Variants in TAF5L observed in about 807,000 individuals in gnomAD.
TAF5L encodes TAF5-like RNA polymerase II p300/CBP-associated factor-associated factor 65 kDa subunit 5L.
In TAF5L, 7 loss-of-function variants were observed where a neutral mutation model predicts 51.3. The ratio of observed to expected loss-of-function variants is 0.14; its 90% CI spans 0.08 to 0.26. The LOEUF (loss-of-function observed/expected upper bound fraction) is 0.26, where lower values mean the gene tolerates loss of function less well. TAF5L is among the 10% of genes least tolerant of loss of function. TAF5L has a pLI of 1.00. For synonymous variants in TAF5L, 291 were observed against 308.1 expected, an observed-to-expected ratio of 0.94 and a Z score of 0.58; for missense variants, 575 against 758.9, an observed-to-expected ratio of 0.76 and a Z score of 2.85.
intron 4 of TAF5L, chr1:229,601,923 T>C (rs926873428): frequency 1.5e-5 from 18 of 1,216,790 alleles, no homozygotes; most frequent in Non-Finnish European, 5.1e-6. Flanking sequence ...GCTAAAGGTC[T>C]TTCATTAGGC....
At position 229,625,748 on chromosome 1, in the gene TAF5L, C is replaced by T. The variant is rs1312456219; in HGVS notation, c.-4+137G>A. ...CGCCGCCCCCCAGCCCCGCCTCCCG[C>T]GCCCCACCCCCACCGCCCGCCGGCG... On this transcript the variant is annotated intron_variant, in intron 1 of 4. Coordinates refer to ENST00000258281, the Ensembl canonical transcript of TAF5L. The surrounding 1 kb of genome is among the most constrained non-coding windows in gnomAD (Gnocchi z 4.0). 42 of 140,756 alleles carry T rather than the reference C, an allele frequency of 3.0e-4. No homozygotes were observed. The highest frequency in any genetic ancestry group is 1.1e-3 in the African/African-American group (42 of 39,156). The allele number at this position is 140,756 out of a possible 1,614,324, so 8.7% of individuals were successfully genotyped here. A position where few individuals can be genotyped will look rare whatever the true frequency, so the allele number is the denominator to read the frequency against.
intron 1 of TAF5L, among the ~76,000 whole-genome samples, chr1:229,620,162 C>T (rs986134183): frequency 2.0e-5 from 3 of 151,810 alleles, no homozygotes; most frequent in Admixed American, 6.6e-5. Context: ...AAAAAAATTG[C>T]GGCTAGTGCA....
At chr1:229,622,997 C>T (rs1260597217) in intron 1 of TAF5L, among the ~76,000 whole-genome samples, 1 of 152,204 alleles carries the variant, frequency 6.6e-6, no homozygotes, top group East Asian at 1.9e-4. Flanking sequence ...TTTACTGCCG[C>T]CGGGCACGGT....
chr1:229,604,709 C>T (rs1303623222), intron 3 of TAF5L, among the ~76,000 whole-genome samples: 7 of 152,084 alleles, frequency 4.6e-5, no homozygotes, highest in Admixed American at 3.3e-4. Flanking sequence ...AGGTAAACCA[C>T]GATCAGCTTG....
chr1:229,594,330 C>A lies in TAF5L; in HGVS notation c.1737G>T (p.Val579=). 1.2e-6 allele frequency: 2 copies of A among 1,609,528 alleles called. No homozygotes were observed. The highest frequency in any genetic ancestry group is 2.2e-5 in the South Asian group (2 of 90,866). Residue 579 remains valine, a synonymous_variant, in exon 5 of 5, where the codon GTG becomes GTT. Transcript: ENST00000258281. The surrounding 1 kb of genome is among the most constrained non-coding windows in gnomAD (Gnocchi z 7.9). ...CCTGATTTTCTTGTGTAATTCCAGT[C>A]ACCAGAAGAAGGTTACAGGCCATGA...
At chr1:229,610,928 A>G (rs887081422) in intron 2 of TAF5L, among the ~76,000 whole-genome samples, 1 of 152,164 alleles carries the variant, frequency 6.6e-6, no homozygotes, top group Non-Finnish European at 1.5e-5. Flanking sequence ...TATTTAAAAC[A>G]AGGTATTTTT....
rs762416949 is a variant in TAF5L, at chr1:229,594,846, G to A, written c.1221C>T (p.Thr407=). 15 of 1,614,072 alleles carry A rather than the reference G, an allele frequency of 9.3e-6. No individual in the cohort carries two copies. Among genetic ancestry groups the A allele is most frequent in the East Asian group, 4.5e-5 (2 of 44,898 alleles). Residue 407 remains threonine, a synonymous_variant, in exon 5 of 5, where the codon ACC becomes ACT. Transcript: ENST00000258281. The surrounding 1 kb of genome is among the most constrained non-coding windows in gnomAD (Gnocchi z 7.9). ...TCCGATCAAATGACCACAGCCTGGC[G>A]GTGCGGTCGTGGGACCCGCTGGCGA... is the stretch of plus-strand genomic sequence containing the variant.
Position 229,625,669 on chromosome 1 carries a change from G to A in TAF5L, c.-4+216C>T, listed in dbSNP as rs1308459809. Reference sequence around the variant, plus strand: ...AGGCCACGCCGCCGGCCGCAGCCCGGGACTCGGGAGGCCGAGGGCGGAGGC... The same window carrying A: ...AGGCCACGCCGCCGGCCGCAGCCCGAGACTCGGGAGGCCGAGGGCGGAGGC... On this transcript the variant is annotated intron_variant, in intron 1 of 4. Coordinates refer to ENST00000258281, the Ensembl canonical transcript of TAF5L. The surrounding 1 kb of genome is among the most constrained non-coding windows in gnomAD (Gnocchi z 4.0). Among the ~76,000 whole-genome samples, 1 of 149,634 alleles carries A rather than the reference G, an allele frequency of 6.7e-6. No individual in the cohort carries two copies. Among genetic ancestry groups the A allele is most frequent in the African/African-American group, 2.4e-5 (1 of 41,030 alleles).
Position 229,595,099 on chromosome 1 carries a change from G to C in TAF5L, c.973-5C>G. ...TGCATTATCATCCTCATCATCCTGG[G>C]AACAGTGGGGTGGGGTGGGAAAAGA... On this transcript the variant is annotated splice_polypyrimidine_tract_variant and splice_region_variant and intron_variant, in intron 4 of 4. Coordinates refer to ENST00000258281, the Ensembl canonical transcript of TAF5L. The C allele has an allele frequency of 1.9e-6, 3 of 1,578,458 alleles. No individual in the cohort carries two copies. The highest frequency in any genetic ancestry group is 1.3e-5 in the African/African-American group (1 of 74,312).
At chr1:229,622,911 A>T (rs1165019481) in intron 1 of TAF5L, among the ~76,000 whole-genome samples, 1 of 152,202 alleles carries the variant, frequency 6.6e-6, no homozygotes, top group Non-Finnish European at 1.5e-5. Context: ...CCTACTTTAA[A>T]CATAATACTA....
Position 229,625,178 on chromosome 1 carries a change from G to C in TAF5L, c.-4+707C>G, listed in dbSNP as rs113761510. On this transcript the variant is annotated intron_variant, in intron 1 of 4. Transcript: ENST00000258281. This position sits in a 1 kb window ranked among gnomAD's most constrained non-coding sequence, Gnocchi z 4.0. Reference sequence around the variant, plus strand: ...CCGCTAAGTCTAAAATGACACCACTGTTTCTAACCATCCACTCACTTCGGA... The same window carrying C: ...CCGCTAAGTCTAAAATGACACCACTCTTTCTAACCATCCACTCACTTCGGA... Among the ~76,000 whole-genome samples, 1,922 of 152,296 alleles carry C rather than the reference G, an allele frequency of 0.013. 42 individuals are homozygous for C. Among genetic ancestry groups the C allele is most frequent in the African/African-American group, 0.044 (1,838 of 41,548 alleles).
rs12059577 is a variant in TAF5L, at chr1:229,610,046, A to G, written c.247+60T>C. On this transcript the variant is annotated intron_variant, in intron 3 of 4. Coordinates refer to ENST00000258281, the Ensembl canonical transcript of TAF5L. ...GGCTAACTCACAAGCAGTGTGCCCA[A>G]AGTTGGTCTGTATTACTCTGTTTTC... The G allele has an allele frequency of 2.6e-3, 3,881 of 1,468,258 alleles. 98 individuals carry two copies. The African/African-American group carries it at 0.047, about 18-fold the overall frequency. The allele number at this position is 1,468,258 out of a possible 1,614,324, so 91.0% of individuals were successfully genotyped here. A position where few individuals can be genotyped will look rare whatever the true frequency, so the allele number is the denominator to read the frequency against.
Position 229,594,531 on chromosome 1 carries a change from A to G in TAF5L, c.1536T>C (p.Asn512=). The G allele has an allele frequency of 6.2e-7, 1 of 1,614,092 alleles. No homozygotes were observed. Among genetic ancestry groups the G allele is most frequent in the Non-Finnish European group, 8.5e-7 (1 of 1,179,978 alleles). The change falls in exon 5 of 5, where the codon AAT becomes AAC. Residue 512 remains asparagine, a synonymous_variant. Coordinates refer to ENST00000258281, the Ensembl canonical transcript of TAF5L. This position sits in a 1 kb window ranked among gnomAD's most constrained non-coding sequence, Gnocchi z 7.9. Reference sequence around the variant, plus strand: ...CTGGACTGAAGGTGAGGCTGGTGATATTGTCTGTGTGGCCTCTCAACTCTT... The same window carrying G: ...CTGGACTGAAGGTGAGGCTGGTGATGTTGTCTGTGTGGCCTCTCAACTCTT...
At chr1:229,600,350 G>A in intron 4 of TAF5L, 1 of 985,358 alleles carries the variant, frequency 1.0e-6, no homozygotes, top group Non-Finnish European at 1.2e-6. Flanking sequence ...GCAGAGGTTA[G>A]CTAGCATCTA....
intron 1 of TAF5L, among the ~76,000 whole-genome samples, chr1:229,620,148 A>G (rs1665152487): frequency 6.6e-6 from 1 of 151,116 alleles, no homozygotes; most frequent in Non-Finnish European, 1.5e-5. Context: ...TCTCAACTTA[A>G]AAAAAAAAAA....
intron 2 of TAF5L, among the ~76,000 whole-genome samples, chr1:229,613,359 G>GA (rs1664859204): frequency 2.0e-5 from 3 of 147,712 alleles, no homozygotes; most frequent in Admixed American, 6.8e-5. Flanking sequence ...GAAGAAAGAA[G>GA]AAGAAGAAGA....
intron 2 of TAF5L, among the ~76,000 whole-genome samples, chr1:229,611,060 G>T (rs1664768214): frequency 6.6e-6 from 1 of 152,088 alleles, no homozygotes; most frequent in Non-Finnish European, 1.5e-5. Flanking sequence ...CCTCCAGGGT[G>T]ACCAGGGTGA....
At chr1:229,607,981 AAAGT>A (rs1211971257) in intron 3 of TAF5L, 1 of 152,228 alleles carries the variant, frequency 6.6e-6, no homozygotes, top group Non-Finnish European at 1.5e-5. Flanking sequence ...GTTCAGAAAT[AAAGT>A]AAGAACTTAA....
chr1:229,601,355 C>T (rs1664366513), intron 4 of TAF5L: 1 of 985,278 alleles, frequency 1.0e-6, no homozygotes, highest in South Asian at 4.7e-5. Context: ...TGAGGCAGAG[C>T]TACCTGAATT....
Sources: allele counts gnomAD v4.1 joint callset (sites outside exome capture counted in the v4.1 genomes callset), GRCh38; gene constraint gnomAD v4.1.1; non-coding constraint Gnocchi (gnomAD v3.1); transcripts MANE v1.5; gene names NCBI Gene and HGNC (gene_info 2026-07-23, HGNC 2026-07-21).